ATG9B: variants seen among roughly 807,000 people sequenced by gnomAD.
The protein encoded by ATG9B is autophagy-related protein 9B.
A neutral mutation model predicts 92.9 loss-of-function variants in ATG9B; 92 were observed. That is an observed-to-expected ratio of 0.99 (90% CI 0.84 to 1.18). ATG9B has a LOEUF of 1.18. Among genes scored for constraint, ATG9B ranks in the 50% most tolerant of loss-of-function variants. The pLI is 0.00. For synonymous variants in ATG9B, 599 were observed against 551.4 expected (o/e 1.09, Z -1.21); for missense variants, 1,344 against 1,235.0 (o/e 1.09, Z -1.32).
At chr7:151,017,507 G>A (rs1421453431) in intron 8 of ATG9B, among the ~76,000 whole-genome samples, 1 of 152,148 alleles carries the variant, frequency 6.6e-6, no homozygotes, top group Non-Finnish European at 1.5e-5. Context: ...TGCCCAGGGT[G>A]ATCCTGACAG....
In ATG9B at chr7:151,024,269, G is replaced by T. The variant is rs769310478; in HGVS notation, c.155C>A (p.Ser52Tyr). ...TCTTGTATGAGGGGCAGGGGACAGA[G>T]AGAAGATGGAGATCCTCCCTCCCCC... ...GPGGGRISIFSLSPAPHTRSS... is the reference protein window; with the variant it reads ...GPGGGRISIFYLSPAPHTRSS... Residue 52 changes from serine (S) to tyrosine (Y), a missense_variant, in exon 1 of 14, where the codon TCT (serine) becomes TAT (tyrosine). By Grantham distance (144) the Ser-to-Tyr change is moderately radical. Transcript: ENST00000639579. The T allele has an allele frequency of 3.9e-5, 56 of 1,449,050 alleles. No individual in the cohort carries two copies. Among genetic ancestry groups the T allele is most frequent in the Non-Finnish European group, 1.8e-6 (2 of 1,098,018 alleles). 89.8% of individuals were successfully genotyped at this position (1,449,050 alleles called of 1,614,324 possible).
downstream of ATG9B, chr7:151,014,686 G>C (rs947315868): frequency 1.3e-5 from 2 of 148,798 alleles, no homozygotes; most frequent in African/African-American, 5.0e-5. Flanking sequence ...TCAGCTCACT[G>C]CAACCTCCAC....
chr7:151,021,063 A>G (rs1795726181), intron 5 of ATG9B, 125 bp downstream of exon 5: 6 of 1,193,344 alleles, frequency 5.0e-6, no homozygotes, highest in African/African-American at 1.5e-5. Context: ...GCAGGTGTCA[A>G]TAAGACCTCG....
At chr7:151,014,798 G>A (rs913951299), downstream of ATG9B, 1 of 152,032 alleles carries the variant, frequency 6.6e-6, no homozygotes, top group African/African-American at 2.4e-5. Context: ...TAGTAAAGAC[G>A]GGGTTTCACC....
Position 151,024,311 on chromosome 7 carries a change from G to A in ATG9B, c.113C>T (p.Pro38Leu), listed in dbSNP as rs1795873727. The A allele has an allele frequency of 1.4e-6, 2 of 1,395,380 alleles. No homozygotes were observed. Among genetic ancestry groups the A allele is most frequent in the Admixed American group, 3.0e-5 (1 of 32,864 alleles). The allele number at this position is 1,395,380 out of a possible 1,614,324, so 86.4% of individuals were successfully genotyped here. A position where few individuals can be genotyped will look rare whatever the true frequency, so the allele number is the denominator to read the frequency against. ...CCCTCCCCCAGGTCCCCGGCATGAA[G>A]GAGGAGGAGGAGGTGGCAGTGGCAT... Reference protein sequence around the residue: ...LPMPLPPPPPPSCRGPGGGRI... With the variant: ...LPMPLPPPPPLSCRGPGGGRI... The change falls in exon 1 of 14, where the codon CCT becomes CTT. Residue 38 changes from proline (P) to leucine (L), a missense_variant. Coordinates refer to ENST00000639579, the MANE Select transcript of ATG9B (RefSeq NM_001317056.2).
At chr7:151,012,893 A>C, downstream of ATG9B, 1 of 358,078 alleles carries the variant, frequency 2.8e-6, no homozygotes, top group Non-Finnish European at 5.1e-6. Flanking sequence ...CTGGGAGGAG[A>C]GTTATAAGTA....
At chr7:151,016,606 C>T in intron 10 of ATG9B, 79 bp from the exon 11 acceptor site, 2 of 1,544,958 alleles carry the variant, frequency 1.3e-6, no homozygotes, top group Non-Finnish European at 1.7e-6. Flanking sequence ...CTGAATCCCC[C>T]CTCAGCGCCC....
At position 151,018,520 on chromosome 7, in the gene ATG9B, G is replaced by A. The variant is rs1312973127; in HGVS notation, c.1719-73C>T. On this transcript the variant is annotated intron_variant, in intron 6 of 13. Coordinates refer to ENST00000639579, the MANE Select transcript of ATG9B (RefSeq NM_001317056.2). This position sits in a 1 kb window ranked among gnomAD's most constrained non-coding sequence, Gnocchi z 4.7. The stretch of plus-strand genomic sequence containing the variant: ...GCGCGGTGGGATGTAGGGCTAGAGG[G>A]CCCCAGTGGTGGGAGAGGTAAGGAT... 2.0e-6 allele frequency: 3 copies of A among 1,520,388 alleles called. No homozygotes were observed. The highest frequency in any genetic ancestry group is 1.8e-6 in the Non-Finnish European group (2 of 1,136,302). 94.2% of individuals were successfully genotyped at this position (1,520,388 alleles called of 1,614,324 possible).
downstream of ATG9B, chr7:151,013,452 G>A (rs1221991069): frequency 3.3e-5 from 50 of 1,524,458 alleles, no homozygotes; most frequent in East Asian, 4.6e-5. Context: ...CTCCAGCGGG[G>A]CACACCAACC....
chr7:151,013,383 T>G (rs747342357), downstream of ATG9B: 9 of 1,610,112 alleles, frequency 5.6e-6, no homozygotes, highest in Non-Finnish European at 4.2e-6. Context: ...CCCCAAGGTG[T>G]GAGACCCTGA....
In ATG9B at chr7:151,018,457, G is replaced by C. The variant is rs577799944; in HGVS notation, c.1719-10C>G. The C allele has an allele frequency of 1.1e-5, 16 of 1,521,966 alleles. No homozygotes were observed. Among genetic ancestry groups the C allele is most frequent in the Admixed American group, 2.2e-5 (1 of 46,474 alleles). The allele number at this position is 1,521,966 out of a possible 1,614,324, so 94.3% of individuals were successfully genotyped here. On this transcript the variant is annotated splice_polypyrimidine_tract_variant and intron_variant, in intron 6 of 13. Transcript: ENST00000639579. This position sits in a 1 kb window ranked among gnomAD's most constrained non-coding sequence, Gnocchi z 4.7. Reference sequence around the variant, plus strand: ...TTCCGGAATGAAAGACCTGAAAGGCGGGATCCGTGGGGGGAAGGGGCCTGC... The same window carrying C: ...TTCCGGAATGAAAGACCTGAAAGGCCGGATCCGTGGGGGGAAGGGGCCTGC...
In ATG9B at chr7:151,021,283, C is replaced by T. The variant is rs1010074297; in HGVS notation, c.868G>A (p.Gly290Ser). ...LLVLLLVLAAGFWLVQLLRSV... is the reference protein window; with the variant it reads ...LLVLLLVLAASFWLVQLLRSV... ...CGAAGCAGTTGGACCAGCCAGAAGC[C>T]GGCAGCCAGGACCAGGAGGAGGACC... Residue 290 changes from glycine (G) to serine (S), a missense_variant, in exon 5 of 14, where the codon GGC becomes AGC. Physicochemically the swap from Gly to Ser is moderately conservative, Grantham distance 56. Transcript: ENST00000639579. 1.7e-5 allele frequency: 28 copies of T among 1,613,196 alleles called. No homozygotes were observed. Among genetic ancestry groups the T allele is most frequent in the African/African-American group, 1.2e-4 (9 of 74,900 alleles).
Position 151,024,404 on chromosome 7 carries a change from C to CA in ATG9B, c.19dup (p.Trp7LeufsTer142). 1 of 1,376,316 alleles carries CA rather than the reference C, an allele frequency of 7.3e-7. No homozygotes were observed. Among genetic ancestry groups the CA allele is most frequent in the Non-Finnish European group, 9.4e-7 (1 of 1,060,376 alleles). 85.3% of individuals were successfully genotyped at this position (1,376,316 alleles called of 1,614,324 possible). ...CCCCAGCCGCCTTCTTCTCCCCCCC[C>CA]AGCCCATTCGGCTCACCATCAGGCC... On this transcript the variant is annotated frameshift_variant, in exon 1 of 14. Coordinates refer to ENST00000639579, the MANE Select transcript of ATG9B (RefSeq NM_001317056.2). LOFTEE classifies it high-confidence loss of function.
In ATG9B at chr7:151,017,142, A is replaced by G; in HGVS notation, c.2183T>C (p.Leu728Pro). ...TTGTACTCGGCCCCAGAGGTGCCCA[A>G]GAAACTTAGAGCTGTGCCCTGGGGG... Reference protein sequence around the residue: ...WRPPGHSSKFLGHLWGRVQQD... With the variant: ...WRPPGHSSKFPGHLWGRVQQD... The change falls in exon 9 of 14, where the codon CTT (leucine) becomes CCT (proline). Residue 728 changes from leucine to proline, a missense_variant. Transcript: ENST00000639579. 2.5e-6 allele frequency: 4 copies of G among 1,613,032 alleles called. No individual in the cohort carries two copies. Among genetic ancestry groups the G allele is most frequent in the East Asian group, 2.2e-5 (1 of 44,860 alleles).
intron 11 of ATG9B, 85 bp downstream of exon 11, chr7:151,016,346 T>G: frequency 6.6e-7 from 1 of 1,512,426 alleles, no homozygotes; most frequent in African/African-American, 1.4e-5. Context: ...TGCTAGACCC[T>G]TCCGTAGACT....
At chr7:151,013,822 C>G (rs768148055), downstream of ATG9B, 1 of 1,609,216 alleles carries the variant, frequency 6.2e-7, no homozygotes, top group African/African-American at 1.3e-5. Context: ...GCGATGTTAC[C>G]ATGGCAACCA....
Position 151,024,395 on chromosome 7 carries a change from C to G in ATG9B, c.29G>C (p.Arg10Thr), listed in dbSNP as rs371574409. The G allele has an allele frequency of 5.8e-6, 8 of 1,377,166 alleles. No individual in the cohort carries two copies. The African/African-American group carries it at 7.4e-5, about 13-fold the overall frequency. 85.3% of individuals were successfully genotyped at this position (1,377,166 alleles called of 1,614,324 possible). Residue 10 changes from arginine (R) to threonine (T), a missense_variant, in exon 1 of 14, where the codon AGA becomes ACA. By Grantham distance (71) the Arg-to-Thr change is moderately conservative (BLOSUM62 -1). Transcript: ENST00000639579. MVSRMGWGG[R>T]RRRLGRWGDL... Reference sequence around the variant, plus strand: ...TCCCCACCGCCCCAGCCGCCTTCTTCTCCCCCCCCAGCCCATTCGGCTCAC... The same window carrying G: ...TCCCCACCGCCCCAGCCGCCTTCTTGTCCCCCCCCAGCCCATTCGGCTCAC...
downstream of ATG9B, chr7:151,012,650 C>A: frequency 1.5e-6 from 1 of 658,806 alleles, no homozygotes; most frequent in Non-Finnish European, 2.5e-6. Context: ...GGGCCCTGAG[C>A]TTCTGGCTTC....
chr7:151,013,707 ACCCCGCCG>A, downstream of ATG9B: 6 of 1,573,752 alleles, frequency 3.8e-6, no homozygotes, highest in Non-Finnish European at 5.2e-6. Context: ...GCCCGCCCTA[ACCCCGCCG>A]CCCCGCAGAC....
Sources: gnomAD v4.1 joint callset for allele counts (sites outside exome capture counted in the v4.1 genomes callset) on GRCh38, gnomAD v4.1.1 for gene constraint, Gnocchi (gnomAD v3.1) non-coding constraint, MANE v1.5 for transcripts, NCBI Gene and HGNC (gene_info 2026-07-23, HGNC 2026-07-21) for gene names.